Variants in ZKSCAN8 observed in about 807,000 individuals in gnomAD.
The protein encoded by ZKSCAN8 is zinc finger protein with KRAB and SCAN domains 8.
Under a neutral mutation model 57.2 loss-of-function variants are expected in ZKSCAN8, and 27 were observed. That is an observed-to-expected ratio of 0.47 (90% CI 0.35 to 0.65). The LOEUF (loss-of-function observed/expected upper bound fraction) is 0.65, where lower values mean the gene tolerates loss of function less well. Ranked by LOEUF, ZKSCAN8 falls within the 30% of genes least tolerant of loss-of-function variation. ZKSCAN8 has a pLI of 0.01. For synonymous variants in ZKSCAN8, 214 were observed against 248.7 expected (o/e 0.86, Z 1.31); for missense variants, 597 against 696.3 (o/e 0.86, Z 1.60).
At position 28,153,836 on chromosome 6, in the gene ZKSCAN8, A is replaced by C. The variant is rs1765690291; in HGVS notation, c.1556A>C (p.Lys519Thr). The change falls in exon 6 of 6, where the codon AAA becomes ACA. Residue 519 changes from lysine (K) to threonine (T), a missense_variant. By Grantham distance (78) the Lys-to-Thr change is moderately conservative. Transcript: ENST00000330236. ...ATCCACACTGGAGAAAGACCCTATAAATGTAAAGAATGTGGGAAAGCTTTC... is the reference window on the plus strand; with the variant it reads ...ATCCACACTGGAGAAAGACCCTATACATGTAAAGAATGTGGGAAAGCTTTC... The part of the protein sequence containing the change: ...QRIHTGERPY[K>T]CKECGKAFNG... 6.2e-7 allele frequency: 1 copy of C among 1,614,140 alleles called. No individual in the cohort carries two copies. Among genetic ancestry groups the C allele is most frequent in the East Asian group, 2.2e-5 (1 of 44,878 alleles).
rs533208388 is a variant in ZKSCAN8, at chr6:28,155,485, A to G, written c.*1468A>G. 6.6e-6 allele frequency: 1 copy of G among 152,308 alleles called. No homozygotes were observed. Among genetic ancestry groups the G allele is most frequent in the South Asian group, 2.1e-4 (1 of 4,826 alleles). The allele number at this position is 152,308 out of a possible 1,614,324, so 9.4% of individuals were successfully genotyped here. ...TCCCATTTAATAAACCATATGAGAA[A>G]ACCCTCTATTACTCTTACACTTTAG... is the stretch of plus-strand genomic sequence containing the variant. On this transcript the variant is annotated 3_prime_UTR_variant, in exon 6 of 6. Transcript: ENST00000330236.
intron 1 of ZKSCAN8, among the ~76,000 whole-genome samples, chr6:28,147,096 G>GA (rs1480757185): frequency 6.6e-6 from 1 of 151,922 alleles, no homozygotes; most frequent in East Asian, 1.9e-4. Flanking sequence ...TGAAAAGGAT[G>GA]AAAAAGAGGG....
chr6:28,152,321 C>G lies in ZKSCAN8; in HGVS notation c.712C>G (p.Pro238Ala). The G allele has an allele frequency of 6.2e-7, 1 of 1,613,592 alleles. No homozygotes were observed. The highest frequency in any genetic ancestry group is 1.1e-5 in the South Asian group (1 of 90,982). ...TATTCGAGAGGAGTGGCTTCTTGAT[C>G]CATCACAGAAGGATCTGTGTAGAGA... is the stretch of plus-strand genomic sequence containing the variant. ...SLIREEWLLD[P>A]SQKDLCRDNR... The change falls in exon 5 of 6, where the codon CCA (proline) becomes GCA (alanine). Residue 238 changes from proline to alanine, a missense_variant. Coordinates refer to ENST00000330236, the MANE Select transcript of ZKSCAN8 (RefSeq NM_006298.4).
intron 2 of ZKSCAN8, 94 bp downstream of exon 2, chr6:28,148,918 C>G: frequency 7.2e-7 from 1 of 1,386,654 alleles, no homozygotes; most frequent in South Asian, 1.4e-5. Flanking sequence ...AGATGCTTAG[C>G]ATCAGTTTCT....
intron 3 of ZKSCAN8, among the ~76,000 whole-genome samples, chr6:28,149,933 T>TA (rs1291296253): frequency 6.6e-6 from 1 of 152,192 alleles, no homozygotes; most frequent in Admixed American, 6.5e-5. Flanking sequence ...ATATTTCTGT[T>TA]ACCACAGTAC....
chr6:28,150,769 G>A lies in ZKSCAN8; in HGVS notation c.560-1076G>A, dbSNP rs144752747. On this transcript the variant is annotated intron_variant, in intron 3 of 5. Transcript: ENST00000330236. ...TATTTATCAGTATGGACTCAAATTC[G>A]TATTTATTCCATAAATATTCTGTTA... is the stretch of plus-strand genomic sequence containing the variant. Among the ~76,000 whole-genome samples, 566 of 152,016 alleles carry A rather than the reference G, an allele frequency of 3.7e-3. 7 individuals are homozygous for A. Among genetic ancestry groups the A allele is most frequent in the Admixed American group, 0.011 (174 of 15,268 alleles).
At chr6:28,141,645 A>G (rs1581514673), upstream of ZKSCAN8, among the ~76,000 whole-genome samples, 1 of 152,224 alleles carries the variant, frequency 6.6e-6, no homozygotes, top group Non-Finnish European at 1.5e-5. Flanking sequence ...GCGGAGCTGC[A>G]TGGGCACACA....
chr6:28,149,401 T>C, intron 2 of ZKSCAN8, 82 bp from the exon 3 acceptor site: 2 of 1,553,788 alleles, frequency 1.3e-6, no homozygotes, highest in Non-Finnish European at 8.8e-7. Context: ...TATATCCCTG[T>C]AGATGTGTTC....
chr6:28,153,963 C>T lies in ZKSCAN8; in HGVS notation c.1683C>T (p.Leu561=), dbSNP rs745563207. Residue 561 remains leucine (L), a synonymous_variant, in exon 6 of 6, where the codon CTC becomes CTT. Coordinates refer to ENST00000330236, the MANE Select transcript of ZKSCAN8 (RefSeq NM_006298.4). ...AAGCCTTTATTCAGAGGTCAAGTCT[C>T]ATTCGACATCAGAGAATCCACAGTG... ...CGKAFIQRSS[L]IRHQRIHSGE... is the part of the protein sequence containing the mutation. 1 of 1,611,600 alleles carries T rather than the reference C, an allele frequency of 6.2e-7. No individual in the cohort carries two copies. Among genetic ancestry groups the T allele is most frequent in the African/African-American group, 1.3e-5 (1 of 74,766 alleles).
rs977484744 is a variant in ZKSCAN8 at position 28,146,779 on chromosome 6, C to G, written c.-92-1537C>G. Among the ~76,000 whole-genome samples the G allele has an allele frequency of 2.6e-5, 4 of 152,112 alleles. 1 individual carries two copies. Among genetic ancestry groups the G allele is most frequent in the Admixed American group, 6.5e-5 (1 of 15,270 alleles). Reference sequence around the variant, plus strand: ...TAGATGTATAGGTCAATAAACAGAACAGAGATTCCAGAAATAGACCCTTAC... The same window carrying G: ...TAGATGTATAGGTCAATAAACAGAAGAGAGATTCCAGAAATAGACCCTTAC... On this transcript the variant is annotated intron_variant, in intron 1 of 5. Coordinates refer to ENST00000330236, the MANE Select transcript of ZKSCAN8 (RefSeq NM_006298.4).
chr6:28,151,928 G>A lies in ZKSCAN8; in HGVS notation c.643G>A (p.Gly215Arg). 1 of 1,614,124 alleles carries A rather than the reference G, an allele frequency of 6.2e-7. No homozygotes were observed. Among genetic ancestry groups the A allele is most frequent in the Non-Finnish European group, 8.5e-7 (1 of 1,180,002 alleles). Reference protein sequence around the residue: ...QEMTATLLTAGFQTLEKIEDM... With the variant: ...QEMTATLLTARFQTLEKIEDM... ...AATGACAGCTACACTTCTCACAGCAGGGTTCCAGGTGAGTTGTGCTCCTTC... is the reference window on the plus strand; with the variant it reads ...AATGACAGCTACACTTCTCACAGCAAGGTTCCAGGTGAGTTGTGCTCCTTC... The change falls in exon 4 of 6, where the codon GGG becomes AGG. Residue 215 changes from glycine to arginine, a missense_variant. Physicochemically the swap from Gly to Arg is moderately radical, Grantham distance 125. Transcript: ENST00000330236.
At position 28,147,537 on chromosome 6, in the gene ZKSCAN8, A is replaced by G. The variant is rs1447018809; in HGVS notation, c.-92-779A>G. Among the ~76,000 whole-genome samples the G allele has an allele frequency of 4.0e-5, 6 of 151,892 alleles. No individual in the cohort carries two copies. The East Asian group carries it at 1.2e-3, about 30-fold the overall frequency. On this transcript the variant is annotated intron_variant, in intron 1 of 5. Transcript: ENST00000330236. Reference sequence around the variant, plus strand: ...CACCAAAACTCATGCAGATGTTCATAGTGGCTTTATTCATAGTGATTAAAA... The same window carrying G: ...CACCAAAACTCATGCAGATGTTCATGGTGGCTTTATTCATAGTGATTAAAA...
rs1765470423 is a variant in ZKSCAN8, at chr6:28,148,355, TAAG to T, written c.-48_-46del. On this transcript the variant is annotated 5_prime_UTR_variant, in exon 2 of 6. Transcript: ENST00000330236. ...AGAGGCCCTCAGAAGAGTCTTCTCT[TAAG>T]AAGATAAAGAAGGTAGTGGAAACGA... The T allele has an allele frequency of 1.3e-6, 2 of 1,541,040 alleles. No homozygotes were observed. The highest frequency in any genetic ancestry group is 1.8e-4 in the Middle Eastern group (1 of 5,686).
In ZKSCAN8 at chr6:28,157,020, G is replaced by T. The variant is rs1322087957; in HGVS notation, c.*3003G>T. The T allele has an allele frequency of 6.6e-6, 1 of 152,172 alleles. No individual in the cohort carries two copies. Among genetic ancestry groups the T allele is most frequent in the Non-Finnish European group, 1.5e-5 (1 of 68,044 alleles). The allele number at this position is 152,172 out of a possible 1,614,324, so 9.4% of individuals were successfully genotyped here. On this transcript the variant is annotated 3_prime_UTR_variant, in exon 6 of 6. Transcript: ENST00000330236. ...TGCCTTTCTCAGGCTCATGATAAAT[G>T]TATTAGTCTGTTCTCATGCTGCTAT...
chr6:28,154,538 T>C lies in ZKSCAN8; in HGVS notation c.*521T>C, dbSNP rs1292162067. 1.3e-5 allele frequency: 2 copies of C among 152,870 alleles called. No individual in the cohort carries two copies. Among genetic ancestry groups the C allele is most frequent in the Admixed American group, 6.5e-5 (1 of 15,346 alleles). 9.5% of individuals were successfully genotyped at this position (152,870 alleles called of 1,614,324 possible). Reference sequence around the variant, plus strand: ...AAAATTTTACAGACACTTAAAGTATTTATGCTTAAGTGTGCATTTTTTTAT... The same window carrying C: ...AAAATTTTACAGACACTTAAAGTATCTATGCTTAAGTGTGCATTTTTTTAT... On this transcript the variant is annotated 3_prime_UTR_variant, in exon 6 of 6. Transcript: ENST00000330236.
At chr6:28,149,217 C>A (rs971905635) in intron 2 of ZKSCAN8, among the ~76,000 whole-genome samples, 2 of 152,178 alleles carry the variant, frequency 1.3e-5, no homozygotes, top group Admixed American at 1.3e-4. Flanking sequence ...CCTCCTTCCT[C>A]TGCCTTAGGA....
Position 28,155,908 on chromosome 6 carries a change from C to T in ZKSCAN8, c.*1891C>T, listed in dbSNP as rs1765765949. 2.7e-6 allele frequency: 1 copy of T among 370,956 alleles called. No homozygotes were observed. The highest frequency in any genetic ancestry group is 4.8e-6 in the Non-Finnish European group (1 of 208,906). The allele number at this position is 370,956 out of a possible 1,614,324, so 23.0% of individuals were successfully genotyped here. A position where few individuals can be genotyped will look rare whatever the true frequency, so the allele number is the denominator to read the frequency against. On this transcript the variant is annotated 3_prime_UTR_variant, in exon 6 of 6. Transcript: ENST00000330236. ...TCATGTTGGTTTCCAACAGTCCTTT[C>T]GATTATCCTTTATTTTCTTATCCTC...
In ZKSCAN8 at chr6:28,144,796, G is replaced by A. The variant is rs933611847; in HGVS notation, c.-93+2767G>A. Among the ~76,000 whole-genome samples the A allele has an allele frequency of 6.6e-6, 1 of 152,210 alleles. No individual in the cohort carries two copies. The highest frequency in any genetic ancestry group is 1.5e-5 in the Non-Finnish European group (1 of 68,026). ...TTTTAGGCCGGGCACAGTGGCTTACGCCTGTAATCCCAGCACTTTGGGAGG... is the reference window on the plus strand; with the variant it reads ...TTTTAGGCCGGGCACAGTGGCTTACACCTGTAATCCCAGCACTTTGGGAGG... On this transcript the variant is annotated intron_variant, in intron 1 of 5. Coordinates refer to ENST00000330236, the MANE Select transcript of ZKSCAN8 (RefSeq NM_006298.4). The surrounding 1 kb of genome is among the most constrained non-coding windows in gnomAD (Gnocchi z 4.5).
In ZKSCAN8 at chr6:28,153,245, A is replaced by G. The variant is rs1388870630; in HGVS notation, c.965A>G (p.His322Arg). 1.2e-6 allele frequency: 2 copies of G among 1,614,132 alleles called. No individual in the cohort carries two copies. The highest frequency in any genetic ancestry group is 2.2e-5 in the East Asian group (1 of 44,902). ...QRGNPTQERR[H>R]KCDECGKSFA... Reference sequence around the variant, plus strand: ...GGAAATCCCACACAAGAGAGACGACATAAATGTGATGAATGTGGGAAAAGC... The same window carrying G: ...GGAAATCCCACACAAGAGAGACGACGTAAATGTGATGAATGTGGGAAAAGC... The change falls in exon 6 of 6, where the codon CAT (histidine) becomes CGT (arginine). Residue 322 changes from histidine to arginine, a missense_variant. Coordinates refer to ENST00000330236, the MANE Select transcript of ZKSCAN8 (RefSeq NM_006298.4).
Sources: allele counts gnomAD v4.1 joint callset (sites outside exome capture counted in the v4.1 genomes callset), GRCh38; gene constraint gnomAD v4.1.1; non-coding constraint Gnocchi (gnomAD v3.1); transcripts MANE v1.5; gene names NCBI Gene and HGNC (gene_info 2026-07-23, HGNC 2026-07-21).